The following TDRD7 variants were observed in gnomAD, a reference collection of about 807,000 sequenced individuals.
TDRD7 encodes tudor domain containing 7, also known as tudor domain-containing protein 7.
Under a neutral mutation model 109.8 loss-of-function variants are expected in TDRD7, and 47 were observed. That is an observed-to-expected ratio of 0.43 (90% confidence interval 0.34 to 0.55). TDRD7 has a LOEUF of 0.55. Among genes scored for constraint, TDRD7 ranks in the 20% least tolerant of loss-of-function variants. TDRD7 has a pLI of 0.03. For missense variants in TDRD7, 1,164 were observed against 1,319.2 expected, an observed-to-expected ratio of 0.88 and a Z score of 1.82; for synonymous variants, 424 against 457.3, an observed-to-expected ratio of 0.93 and a Z score of 0.93.
Position 97,465,206 on chromosome 9 carries a change from C to A in TDRD7, c.1629+178C>A, listed in dbSNP as rs564978782. ...GGTTATCCCTGTCAGCCTTTAAATT[C>A]GTGGTAGTTATTATTATCTCAGAGT... On this transcript the variant is annotated intron_variant, in intron 8 of 16. Coordinates refer to ENST00000355295, the MANE Select transcript of TDRD7 (RefSeq NM_014290.3). Among the ~76,000 whole-genome samples, 5 of 152,202 alleles carry A rather than the reference C, an allele frequency of 3.3e-5. No homozygotes were observed. The South Asian group carries it at 8.3e-4, about 25-fold the overall frequency.
chr9:97,431,861 T>G (rs1038115733), intron 3 of TDRD7, among the ~76,000 whole-genome samples, 164 bp from the exon 4 acceptor site: 6 of 152,198 alleles, frequency 3.9e-5, no homozygotes, highest in South Asian at 2.1e-4. Flanking sequence ...CTCACCAATC[T>G]ATTCTTTCCC....
intron 15 of TDRD7, 102 bp downstream of exon 15, chr9:97,483,453 G>A (rs1226450071): frequency 9.6e-6 from 13 of 1,353,230 alleles, no homozygotes; most frequent in Non-Finnish European, 1.3e-5. Context: ...TGTACTAATG[G>A]GAATTTTGAA....
At chr9:97,436,570 C>T (rs1186170924) in intron 4 of TDRD7, among the ~76,000 whole-genome samples, 1 of 152,060 alleles carries the variant, frequency 6.6e-6, no homozygotes, top group Non-Finnish European at 1.5e-5. Flanking sequence ...TAAAATGTTG[C>T]ATGCTTATAG....
At chr9:97,464,084 A>G (rs886107538) in intron 7 of TDRD7, among the ~76,000 whole-genome samples, 2 of 152,158 alleles carry the variant, frequency 1.3e-5, no homozygotes, top group African/African-American at 4.8e-5. Flanking sequence ...GTCTCTTCTT[A>G]GTAATCTGTA....
intron 9 of TDRD7, among the ~76,000 whole-genome samples, chr9:97,471,862 A>C (rs1828919801): frequency 6.6e-6 from 1 of 152,220 alleles, no homozygotes; most frequent in Non-Finnish European, 1.5e-5. Context: ...TGGTTGTCTC[A>C]ATTTCCAATA....
chr9:97,420,065 G>A (rs1232248064), intron 1 of TDRD7, among the ~76,000 whole-genome samples: 2 of 152,000 alleles, frequency 1.3e-5, no homozygotes, highest in Non-Finnish European at 2.9e-5. Context: ...CTAAATACTT[G>A]TACATGAATG....
In TDRD7 at chr9:97,441,847, A is replaced by G; in HGVS notation, c.827A>G (p.Gln276Arg). 1 of 1,613,824 alleles carries G rather than the reference A, an allele frequency of 6.2e-7. No individual in the cohort carries two copies. The highest frequency in any genetic ancestry group is 8.5e-7 in the Non-Finnish European group (1 of 1,179,810). ...GACCTTAATCAAGGAATTTTACAAC[A>G]GTTTGAACACTGGCCTCATATTTGC... is the stretch of plus-strand genomic sequence containing the variant. ...KEDLNQGILQ[Q>R]FEHWPHICTV... Residue 276 changes from glutamine (Q) to arginine (R), a missense_variant, in exon 6 of 17, where the codon CAG (glutamine) becomes CGG (arginine). Gln to Arg is a conservative substitution (Grantham distance 43). Transcript: ENST00000355295.
chr9:97,428,668 G>T lies in TDRD7; in HGVS notation c.203G>T (p.Gly68Val). 1 of 1,613,434 alleles carries T rather than the reference G, an allele frequency of 6.2e-7. No homozygotes were observed. Among genetic ancestry groups the T allele is most frequent in the Non-Finnish European group, 8.5e-7 (1 of 1,179,844 alleles). Residue 68 changes from glycine to valine, a missense_variant, in exon 2 of 17, where the codon GGA (glycine) becomes GTA (valine). By Grantham distance (109) the Gly-to-Val change is moderately radical (BLOSUM62 -3). Around this residue, in one of 5 missense-constraint regions of TDRD7, gnomAD observed 101 missense variants for 148.5 expected, o/e 0.68. Coordinates refer to ENST00000355295, the MANE Select transcript of TDRD7 (RefSeq NM_014290.3). ...AVVRIETSRS[G>V]EITCYAMACT... ...GTCAGGATAGAGACTAGTAGATCTG[G>T]AGAGGTAAGAAGGTAATTGTGCGTG...
At chr9:97,473,453 G>A in intron 10 of TDRD7, 39 bp from the exon 11 acceptor site, 2 of 1,612,720 alleles carry the variant, frequency 1.2e-6, no homozygotes, top group Non-Finnish European at 1.7e-6. Context: ...GCTGCATTCT[G>A]CTCTCAAGCA....
intron 6 of TDRD7, among the ~76,000 whole-genome samples, chr9:97,457,580 A>G (rs1025663885): frequency 5.3e-5 from 8 of 152,012 alleles, no homozygotes; most frequent in Non-Finnish European, 2.9e-5. Flanking sequence ...GGATTTCACT[A>G]TGTTGGCCAG....
At chr9:97,427,155 A>G (rs1828011350) in intron 1 of TDRD7, among the ~76,000 whole-genome samples, 1 of 152,206 alleles carries the variant, frequency 6.6e-6, no homozygotes, top group Non-Finnish European at 1.5e-5. Context: ...CTTTAATAAA[A>G]GGGTAAGCCA....
At chr9:97,466,809 C>T (rs895132005) in intron 8 of TDRD7, among the ~76,000 whole-genome samples, 2 of 152,014 alleles carry the variant, frequency 1.3e-5, no homozygotes, top group African/African-American at 4.8e-5. Context: ...GGGCTAATTG[C>T]AAAGGGCAAA....
chr9:97,421,141 A>C (rs1827892848), intron 1 of TDRD7, among the ~76,000 whole-genome samples: 1 of 152,054 alleles, frequency 6.6e-6, no homozygotes, highest in Non-Finnish European at 1.5e-5. Context: ...TCTCAAAAAA[A>C]AAAAAAAAAA....
chr9:97,451,464 A>C (rs1246409798), intron 6 of TDRD7, among the ~76,000 whole-genome samples: 2 of 151,916 alleles, frequency 1.3e-5, no homozygotes, highest in African/African-American at 4.8e-5. Flanking sequence ...TAATTTTTAA[A>C]ATTTTTTTGT....
chr9:97,429,027 C>T (rs1305956587), intron 2 of TDRD7, among the ~76,000 whole-genome samples: 1 of 152,166 alleles, frequency 6.6e-6, no homozygotes, highest in African/African-American at 2.4e-5. Context: ...CACTAATGAC[C>T]TTGTGATCAC....
chr9:97,416,230 G>A (rs1011589065), intron 1 of TDRD7, among the ~76,000 whole-genome samples: 1 of 152,214 alleles, frequency 6.6e-6, no homozygotes, highest in African/African-American at 2.4e-5. Context: ...CTTTAAAAAG[G>A]CAGGCAGGGG....
rs78845359 is a variant in TDRD7, at chr9:97,495,332, T to C, written c.3077-331T>C. ...GAAAGAAATGTCATTTAATATGATA[T>C]TGATATTTTATTCTGTTATTAGTTT... On this transcript the variant is annotated intron_variant, in intron 16 of 16. Coordinates refer to ENST00000355295, the MANE Select transcript of TDRD7 (RefSeq NM_014290.3). 8.1e-3 allele frequency among the ~76,000 whole-genome samples: 1,241 copies of C among 152,350 alleles called. 41 individuals carry two copies. The East Asian group carries it at 0.11, about 13-fold the overall frequency.
At chr9:97,485,245 G>A (rs982566161) in intron 15 of TDRD7, among the ~76,000 whole-genome samples, 5 of 152,192 alleles carry the variant, frequency 3.3e-5, no homozygotes, top group Non-Finnish European at 7.3e-5. Context: ...TAAAAATGCA[G>A]ATTCTTCTTC....
intron 6 of TDRD7, among the ~76,000 whole-genome samples, chr9:97,444,628 A>G (rs945888006): frequency 2.0e-5 from 3 of 152,252 alleles, no homozygotes; most frequent in African/African-American, 7.2e-5. Context: ...GGTAATGGGT[A>G]TCTCTCTTTA....
Sources: gnomAD v4.1 joint callset for allele counts (sites outside exome capture counted in the v4.1 genomes callset) on GRCh38, gnomAD v4.1.1 for gene constraint, gnomAD v4.1.1 regional missense constraint, MANE v1.5 for transcripts, NCBI Gene and HGNC (gene_info 2026-07-23, HGNC 2026-07-21) for gene names.